ZFHX3: variants seen among roughly 807,000 people sequenced by gnomAD.
The protein encoded by ZFHX3 is zinc finger homeobox 3, also known as zinc finger homeobox protein 3.
ZFHX3 carries 42 observed loss-of-function variants against 279.1 expected under a neutral mutation model. The ratio of observed to expected loss-of-function variants is 0.15; its 90% CI spans 0.12 to 0.19. The LOEUF (loss-of-function observed/expected upper bound fraction) is 0.19. Among genes scored for constraint, ZFHX3 ranks in the 10% least tolerant of loss-of-function variants. The pLI, the probability that ZFHX3 is intolerant of heterozygous loss-of-function variation, is 1.00. For missense variants in ZFHX3, 4,981 were observed against 4,754.0 expected (o/e 1.05, Z -1.40); for synonymous variants, 2,293 against 1,957.8 (o/e 1.17, Z -4.52).
At chr16:73,629,324 G>A in intron 2 of ZFHX3, among the ~76,000 whole-genome samples, 1 of 152,080 alleles carries the variant, frequency 6.6e-6, no homozygotes, top group Non-Finnish European at 1.5e-5. Context: ...CAAGTAAGCA[G>A]AGGAGTCTGA....
chr16:72,935,128 G>A lies in ZFHX3; in HGVS notation c.3216+15341C>T, dbSNP rs950399824. Among the ~76,000 whole-genome samples, 13 of 152,080 alleles carry A rather than the reference G, an allele frequency of 8.5e-5. 1 individual carries two copies. Among genetic ancestry groups the A allele is most frequent in the African/African-American group, 2.2e-4 (9 of 41,390 alleles). ...AAAATGCATTTCTTTTTAGATTATCGTCAACAAAGTTTAAAAGTCACTGCC... is the reference window on the plus strand; with the variant it reads ...AAAATGCATTTCTTTTTAGATTATCATCAACAAAGTTTAAAAGTCACTGCC... On this transcript the variant is annotated intron_variant, in intron 3 of 9. Transcript: ENST00000268489.
intron 7 of ZFHX3, among the ~76,000 whole-genome samples, chr16:73,129,424 T>G (rs112069708): frequency 8.0e-6 from 1 of 124,960 alleles, no homozygotes; most frequent in Non-Finnish European, 1.7e-5. Context: ...AGAATTGAAG[T>G]GATATCTAGT....
At chr16:73,583,376 C>A (rs1397319228) in intron 2 of ZFHX3, among the ~76,000 whole-genome samples, 1 of 152,176 alleles carries the variant, frequency 6.6e-6, no homozygotes, top group Non-Finnish European at 1.5e-5. Context: ...AGAGAGTTAA[C>A]TGCATGAGCT....
chr16:73,809,259 T>G (rs2142334783), intron 1 of ZFHX3: 1 of 152,286 alleles, frequency 6.6e-6, no homozygotes, highest in Non-Finnish European at 1.5e-5. Flanking sequence ...TCATCAAAGC[T>G]GTAATGCAAG....
At chr16:73,753,906 G>A (rs910453017) in intron 1 of ZFHX3, among the ~76,000 whole-genome samples, 4 of 151,786 alleles carry the variant, frequency 2.6e-5, no homozygotes, top group African/African-American at 7.3e-5. Flanking sequence ...AAATAATGCA[G>A]TATCTACTAA....
chr16:73,181,584 T>G (rs1967797245), intron 5 of ZFHX3, among the ~76,000 whole-genome samples: 2 of 152,162 alleles, frequency 1.3e-5, no homozygotes, highest in Admixed American at 1.3e-4. Context: ...CGGGGTTAAA[T>G]TTTGCCCTTG....
intron 4 of ZFHX3, among the ~76,000 whole-genome samples, chr16:73,307,494 A>G (rs2143152173): frequency 6.6e-6 from 1 of 152,356 alleles, no homozygotes. Flanking sequence ...TCTTTCTGCA[A>G]AAACATATTC....
intron 1 of ZFHX3, among the ~76,000 whole-genome samples, chr16:73,814,953 G>T (rs910872440): frequency 2.6e-5 from 4 of 152,042 alleles, no homozygotes; most frequent in Non-Finnish European, 5.9e-5. Flanking sequence ...AAGTCAACTT[G>T]CTCCAAAATC....
chr16:73,038,565 A>T (rs1018165436), intron 1 of ZFHX3, among the ~76,000 whole-genome samples: 1 of 152,222 alleles, frequency 6.6e-6, no homozygotes, highest in African/African-American at 2.4e-5. Context: ...CCAGAACATC[A>T]TGGTGAAATC....
chr16:73,516,116 T>A (rs1597366546), intron 2 of ZFHX3, among the ~76,000 whole-genome samples: 1 of 152,286 alleles, frequency 6.6e-6, no homozygotes, highest in East Asian at 1.9e-4. Context: ...AGAATACCAT[T>A]CCATGAGCTA....
At chr16:72,808,548 C>A (rs1263811919) in intron 7 of ZFHX3, among the ~76,000 whole-genome samples, 1 of 152,188 alleles carries the variant, frequency 6.6e-6, no homozygotes, top group Non-Finnish European at 1.5e-5. Context: ...CAACTTTATT[C>A]CTGAATCCAT....
chr16:73,722,608 C>T (rs192946113), intron 1 of ZFHX3, among the ~76,000 whole-genome samples: 173 of 151,738 alleles, frequency 1.1e-3, no homozygotes, highest in African/African-American at 3.9e-3. Flanking sequence ...GAAAAGTGTA[C>T]TTTTTTTTTC....
intron 7 of ZFHX3, among the ~76,000 whole-genome samples, chr16:73,124,107 T>G (rs924279007): frequency 1.3e-5 from 2 of 152,166 alleles, no homozygotes; most frequent in Non-Finnish European, 2.9e-5. Context: ...AAATAACCAC[T>G]TTACAACCTT....
intron 3 of ZFHX3, among the ~76,000 whole-genome samples, chr16:73,357,867 C>T (rs1392816012): frequency 3.3e-5 from 5 of 152,198 alleles, no homozygotes; most frequent in Admixed American, 6.5e-5. Flanking sequence ...ACTTTCCATG[C>T]CCACCCACTG....
chr16:73,890,200 A>G (rs893427798), intron 1 of ZFHX3, among the ~76,000 whole-genome samples: 1 of 149,218 alleles, frequency 6.7e-6, no homozygotes, highest in Non-Finnish European at 1.5e-5. Flanking sequence ...TCGTTGTTAA[A>G]TTTTTTCTTC....
chr16:72,956,101 A>C (rs1283391118), intron 2 of ZFHX3, among the ~76,000 whole-genome samples: 1 of 152,238 alleles, frequency 6.6e-6, no homozygotes, highest in East Asian at 1.9e-4. Flanking sequence ...AATGAGATTA[A>C]AGTACTAAGG....
At chr16:72,975,831 C>T (rs960629568) in intron 1 of ZFHX3, among the ~76,000 whole-genome samples, 5 of 152,154 alleles carry the variant, frequency 3.3e-5, no homozygotes, top group East Asian at 1.9e-4. Context: ...CCCAATGCTG[C>T]GTTTGGGTCA....
intron 2 of ZFHX3, among the ~76,000 whole-genome samples, chr16:73,485,595 C>A: frequency 6.6e-6 from 1 of 152,142 alleles, no homozygotes; most frequent in East Asian, 1.9e-4. Context: ...CCCTGCTCGA[C>A]CTTTCTCTCT....
At chr16:73,780,190 G>A (rs1405395820) in intron 1 of ZFHX3, among the ~76,000 whole-genome samples, 1 of 128,636 alleles carries the variant, frequency 7.8e-6, no homozygotes, top group Non-Finnish European at 1.6e-5. Flanking sequence ...CCCCCAAGCT[G>A]GGGTGCAGGT....
Sources: allele counts gnomAD v4.1 joint callset (sites outside exome capture counted in the v4.1 genomes callset), GRCh38; gene constraint gnomAD v4.1.1; transcripts MANE v1.5; gene names NCBI Gene and HGNC (gene_info 2026-07-23, HGNC 2026-07-21).